Variants in SUPV3L1 observed in about 807,000 individuals in gnomAD.
SUPV3L1 encodes Suv3 like RNA helicase, also known as ATP-dependent RNA helicase SUPV3L1, mitochondrial.
SUPV3L1 carries 35 observed loss-of-function variants against 70.0 expected under a neutral mutation model. The observed-to-expected ratio is 0.50, with a 90% CI of 0.38 to 0.66. The LOEUF (loss-of-function observed/expected upper bound fraction) is 0.66. Ranked by LOEUF, SUPV3L1 falls within the 30% of genes least tolerant of loss-of-function variation. SUPV3L1 has a pLI of 0.00. For missense variants in SUPV3L1, 777 were observed against 961.5 expected (o/e 0.81, Z 2.54); for synonymous variants, 364 against 341.9 (o/e 1.06, Z -0.71).
chr10:69,201,220 A>G (rs1842671698), intron 11 of SUPV3L1, among the ~76,000 whole-genome samples: 2 of 152,084 alleles, frequency 1.3e-5, no homozygotes, highest in Admixed American at 6.5e-5. Context: ...TGGGCACCTC[A>G]TGTCTTGGAC....
rs1362744537 is a variant in SUPV3L1 at position 69,180,571 on chromosome 10, G to C, written c.271+9G>C. 6.2e-7 allele frequency: 1 copy of C among 1,612,752 alleles called. No individual in the cohort carries two copies. The highest frequency in any genetic ancestry group is 1.3e-5 in the African/African-American group (1 of 74,860). ...CCGGCCTCTGGACAAGAGTGAGTGC[G>C]GGAACTACTGAGGGCGGCAGAGGGT... On this transcript the variant is annotated intron_variant, in intron 1 of 14. Coordinates refer to ENST00000359655, the MANE Select transcript of SUPV3L1 (RefSeq NM_003171.5).
Position 69,180,469 on chromosome 10 carries a change from A to T in SUPV3L1, c.178A>T (p.Asn60Tyr), listed in dbSNP as rs1842021604. The change falls in exon 1 of 15, where the codon AAC becomes TAC. Residue 60 changes from asparagine to tyrosine, a missense_variant. By Grantham distance (143) the Asn-to-Tyr change is moderately radical (BLOSUM62 -2). This residue lies in a region of SUPV3L1 where 158 missense variants were observed against 138.3 expected (regional missense o/e 1.14). Coordinates refer to ENST00000359655, the MANE Select transcript of SUPV3L1 (RefSeq NM_003171.5). Reference protein sequence around the residue: ...SSASGGSKIPNTSLFVPLTVK... With the variant: ...SSASGGSKIPYTSLFVPLTVK... ...TGCCTCCGGTGGCTCCAAAATACCA[A>T]ACACGTCCTTGTTCGTGCCCCTGAC... 3.1e-6 allele frequency: 5 copies of T among 1,613,998 alleles called. No individual in the cohort carries two copies. Among genetic ancestry groups the T allele is most frequent in the Admixed American group, 1.7e-5 (1 of 60,000 alleles).
chr10:69,207,988 A>G (rs1842878686), intron 14 of SUPV3L1, 47 bp downstream of exon 14: 1 of 1,587,466 alleles, frequency 6.3e-7, no homozygotes, highest in Non-Finnish European at 8.6e-7. Flanking sequence ...TAGTAGGACA[A>G]ATTAAAGGTT....
At chr10:69,202,734 G>A in intron 12 of SUPV3L1, 133 bp from the exon 13 acceptor site, 1 of 1,046,442 alleles carries the variant, frequency 9.6e-7, no homozygotes, top group Non-Finnish European at 1.4e-6. Flanking sequence ...ATATGAGGGA[G>A]TGATTAAAGC....
intron 7 of SUPV3L1, chr10:69,195,478 A>G (rs1842518886): frequency 2.6e-6 from 1 of 389,828 alleles, no homozygotes; most frequent in Non-Finnish European, 4.5e-6. Context: ...TAACCATGTA[A>G]TTAAAGTTAA....
chr10:69,207,348 T>C (rs190360111), intron 13 of SUPV3L1, among the ~76,000 whole-genome samples: 1 of 152,324 alleles, frequency 6.6e-6, no homozygotes, highest in East Asian at 1.9e-4. Context: ...TTTCTCCAAA[T>C]GGTCTCACTG....
chr10:69,183,388 A>AG (rs1842120922), intron 1 of SUPV3L1, among the ~76,000 whole-genome samples: 1 of 152,020 alleles, frequency 6.6e-6, no homozygotes, highest in Non-Finnish European at 1.5e-5. Context: ...TGTTCTTTTA[A>AG]AAAGACTAGG....
chr10:69,204,313 CTT>C (rs1488979100), intron 13 of SUPV3L1, among the ~76,000 whole-genome samples: 1 of 152,210 alleles, frequency 6.6e-6, no homozygotes, highest in East Asian at 1.9e-4. Context: ...AAGGCCTCCT[CTT>C]CTCTGAATCT....
At chr10:69,192,218 A>G (rs1317374748) in intron 6 of SUPV3L1, 1 of 153,254 alleles carries the variant, frequency 6.5e-6, no homozygotes, top group Non-Finnish European at 1.5e-5. Flanking sequence ...CAAACGTGCG[A>G]TCCTGCCACC....
chr10:69,206,058 GCT>G lies in SUPV3L1; in HGVS notation c.1777-1728_1777-1727del, dbSNP rs764015045. Among the ~76,000 whole-genome samples the G allele has an allele frequency of 7.2e-5, 11 of 152,120 alleles. No individual in the cohort carries two copies. The East Asian group carries it at 1.9e-3, about 27-fold the overall frequency. On this transcript the variant is annotated intron_variant, in intron 13 of 14. Coordinates refer to ENST00000359655, the MANE Select transcript of SUPV3L1 (RefSeq NM_003171.5). ...GATGGATGGGCGGGCATCTCTCCCT[GCT>G]CTCTCTGCATAGCTCCTTACTTAGC... is the stretch of plus-strand genomic sequence containing the variant.
chr10:69,191,758 C>G lies in SUPV3L1; in HGVS notation c.845C>G (p.Thr282Arg), dbSNP rs1842404753. ...VSCTVEMCSV[T>R]TPYEVAVIDE... ...TGTACAGTTGAGATGTGCAGTGTTA[C>G]AACTCCTTGTATGTATATGCTGTTT... is the stretch of plus-strand genomic sequence containing the variant. The change falls in exon 6 of 15, where the codon ACA becomes AGA. Residue 282 changes from threonine to arginine, a missense_variant. Around this residue, in one of 2 missense-constraint regions of SUPV3L1, gnomAD observed 619 missense variants for 823.3 expected, o/e 0.75. Transcript: ENST00000359655. 5 of 1,610,730 alleles carry G rather than the reference C, an allele frequency of 3.1e-6. No individual in the cohort carries two copies. Among genetic ancestry groups the G allele is most frequent in the Non-Finnish European group, 3.4e-6 (4 of 1,177,542 alleles).
At chr10:69,190,668 A>C (rs2132278369) in intron 5 of SUPV3L1, among the ~76,000 whole-genome samples, 1 of 152,282 alleles carries the variant, frequency 6.6e-6, no homozygotes, top group Non-Finnish European at 1.5e-5. Flanking sequence ...AGGGTCTTAC[A>C]CTGTATTTAG....
rs573225227 is a variant in SUPV3L1 at position 69,182,350 on chromosome 10, C to T, written c.271+1788C>T. On this transcript the variant is annotated intron_variant, in intron 1 of 14. Coordinates refer to ENST00000359655, the MANE Select transcript of SUPV3L1 (RefSeq NM_003171.5). ...CTAGCGTTAAGTATATTGACATTGT[C>T]GCGAAATAGATGAGAACTTTTTCAT... is the stretch of plus-strand genomic sequence containing the variant. 3.3e-5 allele frequency among the ~76,000 whole-genome samples: 5 copies of T among 152,104 alleles called. No homozygotes were observed. In the East Asian group the frequency reaches 7.7e-4, roughly 23 times the overall value.
chr10:69,185,863 C>T (rs191603586), intron 1 of SUPV3L1, 124 bp from the exon 2 acceptor site: 2 of 761,492 alleles, frequency 2.6e-6, no homozygotes, highest in Non-Finnish European at 4.6e-6. Flanking sequence ...TCGACTAAAA[C>T]CTTCTAGTTC....
chr10:69,183,772 C>T (rs1842136355), intron 1 of SUPV3L1, among the ~76,000 whole-genome samples: 1 of 152,046 alleles, frequency 6.6e-6, no homozygotes. Flanking sequence ...AGTGTATTTG[C>T]AGGATTGTAC....
chr10:69,195,458 A>G (rs929782918), intron 7 of SUPV3L1, 193 bp downstream of exon 7: 4 of 406,770 alleles, frequency 9.8e-6, no homozygotes. Flanking sequence ...TTCCTGTGCT[A>G]AAACTAGCAT....
Position 69,195,229 on chromosome 10 carries a change from C to T in SUPV3L1, c.895C>T (p.Pro299Ser), listed in dbSNP as rs758157021. 4 of 1,613,028 alleles carry T rather than the reference C, an allele frequency of 2.5e-6. No homozygotes were observed. The highest frequency in any genetic ancestry group is 2.5e-6 in the Non-Finnish European group (3 of 1,179,656). Reference protein sequence around the residue: ...VIDEIQMIRDPARGWAWTRAL... With the variant: ...VIDEIQMIRDSARGWAWTRAL... ...TGATGAAATTCAAATGATTAGAGAT[C>T]CAGCCAGAGGATGGGCCTGGACCAG... The change falls in exon 7 of 15, where the codon CCA (proline) becomes TCA (serine). Residue 299 changes from proline to serine, a missense_variant. Pro to Ser is a moderately conservative substitution (Grantham distance 74). This residue lies in a region of SUPV3L1 where 619 missense variants were observed against 823.3 expected (regional missense o/e 0.75). Coordinates refer to ENST00000359655, the MANE Select transcript of SUPV3L1 (RefSeq NM_003171.5).
At chr10:69,182,507 T>G in intron 1 of SUPV3L1, 1 of 985,212 alleles carries the variant, frequency 1.0e-6, no homozygotes, top group African/African-American at 1.7e-5. Flanking sequence ...TGATAAATTC[T>G]TATTTTCTGC....
At chr10:69,186,233 C>T (rs955497319) in intron 2 of SUPV3L1, among the ~76,000 whole-genome samples, 169 bp downstream of exon 2, 2 of 150,436 alleles carry the variant, frequency 1.3e-5, no homozygotes, top group Admixed American at 1.3e-4. Context: ...GTGAGCCATA[C>T]TGCACGGCAG....
Sources: gnomAD v4.1 joint callset for allele counts (sites outside exome capture counted in the v4.1 genomes callset) on GRCh38, gnomAD v4.1.1 for gene constraint, gnomAD v4.1.1 regional missense constraint, MANE v1.5 for transcripts, NCBI Gene and HGNC (gene_info 2026-07-23, HGNC 2026-07-21) for gene names.